Variants in PCNT observed in about 807,000 individuals in gnomAD.
The protein encoded by PCNT is pericentrin, also known as kendrin.
PCNT carries 319 observed loss-of-function variants against 380.4 expected under a neutral mutation model. That is an observed-to-expected ratio of 0.84 (90% CI 0.77 to 0.92). PCNT has a LOEUF of 0.92. PCNT is among the 40% of genes least tolerant of loss of function. The pLI, the probability that PCNT is intolerant of heterozygous loss-of-function variation, is 0.00. For missense variants in PCNT, 4,400 were observed against 4,255.3 expected (o/e 1.03, Z -0.95); for synonymous variants, 1,845 against 1,735.2 (o/e 1.06, Z -1.57).
chr21:46,442,837 T>C, intron 44 of PCNT: 1 of 537,568 alleles, frequency 1.9e-6, no homozygotes, highest in Non-Finnish European at 3.3e-6. Context: ...GATTATTTAA[T>C]AGTGTTTAGC....
chr21:46,350,094 G>A (rs952121604), intron 8 of PCNT, among the ~76,000 whole-genome samples: 3 of 152,054 alleles, frequency 2.0e-5, no homozygotes, highest in African/African-American at 7.2e-5. Flanking sequence ...CACGAGAATC[G>A]CTTGAACCTA....
intron 2 of PCNT, among the ~76,000 whole-genome samples, chr21:46,327,295 G>A (rs1488146779): frequency 1.3e-5 from 2 of 152,098 alleles, no homozygotes; most frequent in African/African-American, 4.8e-5. Context: ...TCCTGACCTC[G>A]TGATCTGCCC....
At position 46,345,350 on chromosome 21, in the gene PCNT, T is replaced by A. The variant is rs1171681636; in HGVS notation, c.640-778T>A. Among the ~76,000 whole-genome samples the A allele has an allele frequency of 2.0e-5, 3 of 152,256 alleles. No individual in the cohort carries two copies. In the East Asian group the frequency reaches 5.8e-4, roughly 29 times the overall value. ...CTCCTGCCTCAGCCTCCCAAGTAGC[T>A]GGGACTACAGGTGCCCGCCACCACG... On this transcript the variant is annotated intron_variant, in intron 3 of 46. Transcript: ENST00000359568.
chr21:46,360,409 A>G (rs184932614), intron 13 of PCNT, among the ~76,000 whole-genome samples: 7 of 129,012 alleles, frequency 5.4e-5, no homozygotes, highest in South Asian at 2.5e-4. Flanking sequence ...TTACATTTTT[A>G]GTAGAGATGA....
intron 21 of PCNT, among the ~76,000 whole-genome samples, chr21:46,393,826 A>G (rs1047062084): frequency 1.3e-4 from 20 of 152,178 alleles, no homozygotes; most frequent in African/African-American, 4.1e-4. Context: ...AGCCTGGCCC[A>G]CCAGGGAGTG....
intron 2 of PCNT, among the ~76,000 whole-genome samples, chr21:46,329,664 G>A (rs143751847): frequency 2.0e-5 from 3 of 152,314 alleles, no homozygotes; most frequent in Non-Finnish European, 4.4e-5. Flanking sequence ...TCACCCTCAA[G>A]CGTGGGGTGG....
At chr21:46,404,959 G>A (rs567582461) in intron 27 of PCNT, among the ~76,000 whole-genome samples, 58 of 152,180 alleles carry the variant, frequency 3.8e-4, no homozygotes, top group African/African-American at 1.3e-3. Flanking sequence ...CTTTATGGCC[G>A]GGCACAGTGG....
chr21:46,325,505 A>G (rs2083356923), intron 1 of PCNT, among the ~76,000 whole-genome samples: 1 of 152,144 alleles, frequency 6.6e-6, no homozygotes, highest in Non-Finnish European at 1.5e-5. Flanking sequence ...AATAAACGAC[A>G]TGAGGTTGAC....
chr21:46,330,618 C>T (rs886266313), intron 2 of PCNT, among the ~76,000 whole-genome samples: 2 of 136,812 alleles, frequency 1.5e-5, no homozygotes, highest in Admixed American at 7.8e-5. Flanking sequence ...ATCATCAGTT[C>T]AGTCTAAAAA....
intron 4 of PCNT, among the ~76,000 whole-genome samples, 199 bp from the exon 5 acceptor site, chr21:46,346,544 G>A (rs560000915): frequency 1.6e-4 from 24 of 152,278 alleles, no homozygotes; most frequent in Admixed American, 1.6e-3. Context: ...GCAGTGATGC[G>A]CTGTGGGGTC....
Position 46,324,443 on chromosome 21 carries a change from C to T in PCNT, c.54+161C>T, listed in dbSNP as rs564785017. ...GGCTCCGCTGGAAGCCGCCTCCTGG[C>T]CGCCGCCATCTTGAATCCGCCGCTC... is the stretch of plus-strand genomic sequence containing the variant. On this transcript the variant is annotated intron_variant, in intron 1 of 46. Transcript: ENST00000359568. Among the ~76,000 whole-genome samples the T allele has an allele frequency of 5.8e-3, 884 of 151,940 alleles. 9 individuals are homozygous for T. Among genetic ancestry groups the T allele is most frequent in the African/African-American group, 0.02 (848 of 41,542 alleles).
At chr21:46,444,046 C>T (rs2053685305) in intron 45 of PCNT, 98 bp downstream of exon 45, 2 of 1,305,210 alleles carry the variant, frequency 1.5e-6, no homozygotes, top group South Asian at 1.4e-5. Flanking sequence ...GGCTTTGGCC[C>T]AGCCCAGGGC....
Position 46,346,543 on chromosome 21 carries a change from C to T in PCNT, c.721-200C>T, listed in dbSNP as rs11911089. 0.015 allele frequency among the ~76,000 whole-genome samples: 2,221 copies of T among 152,236 alleles called. 62 individuals are homozygous for T. The highest frequency in any genetic ancestry group is 0.051 in the African/African-American group (2,130 of 41,536). On this transcript the variant is annotated intron_variant, in intron 4 of 46. Transcript: ENST00000359568. ...GGTGCTGGTGCTCAGGGCAGTGATG[C>T]GCTGTGGGGTCACTGGCAGAGGAGC...
At chr21:46,437,127 G>T (rs781102540) in intron 40 of PCNT, 46 bp downstream of exon 40, 3 of 1,303,458 alleles carry the variant, frequency 2.3e-6, no homozygotes, top group Non-Finnish European at 2.2e-6. Context: ...TCCTCCCCCA[G>T]AGGGGCCCTC....
At chr21:46,397,554 C>A in intron 22 of PCNT, 60 bp downstream of exon 22, 1 of 1,382,152 alleles carries the variant, frequency 7.2e-7, no homozygotes, top group Non-Finnish European at 1.0e-6. Flanking sequence ...ACAGCATGAA[C>A]TTCTTTCCAG....
At chr21:46,394,272 T>C (rs1435194278) in intron 21 of PCNT, among the ~76,000 whole-genome samples, 1 of 152,200 alleles carries the variant, frequency 6.6e-6, no homozygotes, top group Non-Finnish European at 1.5e-5. Flanking sequence ...TGTGGCTCTC[T>C]TCAGGTGTTG....
At chr21:46,338,002 T>G (rs2083805452) in intron 3 of PCNT, among the ~76,000 whole-genome samples, 1 of 152,130 alleles carries the variant, frequency 6.6e-6, no homozygotes, top group Non-Finnish European at 1.5e-5. Flanking sequence ...GCCTCCCAAG[T>G]AGCTGGGATT....
At position 46,438,199 on chromosome 21, in the gene PCNT, G is replaced by A. The variant is rs767349076; in HGVS notation, c.9135G>A (p.Val3045=). Residue 3045 remains valine (V), a synonymous_variant, in exon 41 of 47, where the codon GTG becomes GTA. Transcript: ENST00000359568. ...KMAAELQFQF[V]DVLLKDNVSL... The stretch of plus-strand genomic sequence containing the variant: ...CAGCAGAGCTGCAGTTCCAGTTTGT[G>A]GACGTCCTGCTGAAAGACAATGTTT... 13 of 1,614,156 alleles carry A rather than the reference G, an allele frequency of 8.1e-6. No individual in the cohort carries two copies. In the South Asian group the frequency reaches 1.3e-4, roughly 16 times the overall value.
chr21:46,328,376 C>T (rs987905566), intron 2 of PCNT, among the ~76,000 whole-genome samples: 8 of 151,986 alleles, frequency 5.3e-5, no homozygotes, highest in African/African-American at 1.9e-4. Context: ...GATCTTCCTG[C>T]CTCAGGCTCC....
Sources: gnomAD v4.1 joint callset for allele counts (sites outside exome capture counted in the v4.1 genomes callset) on GRCh38, gnomAD v4.1.1 for gene constraint, MANE v1.5 for transcripts, NCBI Gene and HGNC (gene_info 2026-07-23, HGNC 2026-07-21) for gene names.